TEX9: variants seen among roughly 807,000 people sequenced by gnomAD.
The protein encoded by TEX9 is testis expressed 9.
Under a neutral mutation model 59.6 loss-of-function variants are expected in TEX9, and 74 were observed. The ratio of observed to expected loss-of-function variants is 1.24; its 90% CI spans 1.03 to 1.51. The LOEUF (loss-of-function observed/expected upper bound fraction) is 1.51, where lower values mean the gene tolerates loss of function less well. Among genes scored for constraint, TEX9 ranks in the 40% most tolerant of loss-of-function variants. The pLI, the probability that TEX9 is intolerant of heterozygous loss-of-function variation, is 0.00. For synonymous variants in TEX9, 186 were observed against 152.2 expected, an observed-to-expected ratio of 1.22 and a Z score of -1.64; for missense variants, 522 against 447.8, an observed-to-expected ratio of 1.17 and a Z score of -1.49.
At chr15:56,422,763 A>G (rs148698181) in intron 10 of TEX9, among the ~76,000 whole-genome samples, 92 of 152,098 alleles carry the variant, frequency 6.0e-4, no homozygotes, top group African/African-American at 2.1e-3. Context: ...AACTCTTTTC[A>G]TCTTGCAAAA....
chr15:56,425,031 GT>G (rs1489066552), intron 10 of TEX9, among the ~76,000 whole-genome samples: 1 of 150,494 alleles, frequency 6.6e-6, no homozygotes, highest in Admixed American at 6.6e-5. Flanking sequence ...ATTCTTCTAG[GT>G]TTTTTTCTTT....
chr15:56,408,499 A>G (rs1172242617), intron 9 of TEX9: 3 of 152,140 alleles, frequency 2.0e-5, no homozygotes, highest in Non-Finnish European at 4.4e-5. Context: ...GGCTTTATAT[A>G]CCATCTATAT....
intron 1 of TEX9, among the ~76,000 whole-genome samples, chr15:56,244,856 C>T (rs943073477): frequency 1.1e-4 from 17 of 148,794 alleles, no homozygotes; most frequent in Non-Finnish European, 1.5e-4. Context: ...GATAGCTTTG[C>T]CACAAATAAG....
At chr15:56,441,883 G>A (rs2050820413) in intron 12 of TEX9, among the ~76,000 whole-genome samples, 1 of 152,006 alleles carries the variant, frequency 6.6e-6, no homozygotes, top group Non-Finnish European at 1.5e-5. Context: ...AGCCGGGCAT[G>A]GTGGCGGGTG....
chr15:56,380,538 T>C (rs2047678872), intron 3 of TEX9, among the ~76,000 whole-genome samples: 6 of 152,084 alleles, frequency 3.9e-5, no homozygotes, highest in Admixed American at 2.6e-4. Context: ...TTCTTCTTGC[T>C]CATTAACATC....
chr15:56,431,339 A>G (rs1216581958), intron 12 of TEX9: 2 of 1,604,720 alleles, frequency 1.2e-6, no homozygotes, highest in Admixed American at 1.7e-5. Flanking sequence ...ATTACAGGTC[A>G]TGAAGATTAC....
intron 12 of TEX9, among the ~76,000 whole-genome samples, chr15:56,444,865 G>A (rs1240260881): frequency 2.6e-5 from 4 of 151,944 alleles, no homozygotes; most frequent in Admixed American, 2.0e-4. Context: ...CCCTAAAGCA[G>A]CTTTCCTATC....
At chr15:56,331,824 C>T (rs1465365546) in intron 1 of TEX9, among the ~76,000 whole-genome samples, 1 of 151,006 alleles carries the variant, frequency 6.6e-6, no homozygotes, top group Admixed American at 6.6e-5. Context: ...TGAACAGACA[C>T]TTCTCAAAAG....
chr15:56,428,464 C>T, exon 12 of TEX9: 1 of 1,561,652 alleles, frequency 6.4e-7, no homozygotes, highest in Non-Finnish European at 8.8e-7. Flanking sequence ...TTCAGTTAGT[C>T]TCTATGACAG....
In TEX9 at chr15:56,350,530, G is replaced by A. The variant is rs989959259; in HGVS notation, c.-106-22911G>A. ...ATTGTGGGCCCACAGATGCCTGGAA[G>A]GTTCTCATGCCTTTCACACCAACTA... On this transcript the variant is annotated intron_variant, in intron 1 of 5. Transcript: ENST00000560827. Among the ~76,000 whole-genome samples the A allele has an allele frequency of 2.6e-5, 4 of 152,166 alleles. No homozygotes were observed. In the East Asian group the frequency reaches 5.8e-4, roughly 22 times the overall value.
chr15:56,426,202 T>A (rs771618919), intron 10 of TEX9, among the ~76,000 whole-genome samples: 5 of 152,150 alleles, frequency 3.3e-5, no homozygotes, highest in Non-Finnish European at 5.9e-5. Flanking sequence ...GCAAGACAGA[T>A]AGCAGTCCCT....
chr15:56,337,150 A>T (rs2046272483), intron 1 of TEX9, among the ~76,000 whole-genome samples: 1 of 152,136 alleles, frequency 6.6e-6, no homozygotes, highest in Non-Finnish European at 1.5e-5. Context: ...AAAATTCCAA[A>T]TCCTGACATT....
intron 1 of TEX9, among the ~76,000 whole-genome samples, chr15:56,257,639 G>A (rs191399155): frequency 6.6e-6 from 1 of 151,798 alleles, no homozygotes; most frequent in Admixed American, 6.6e-5. Context: ...TTTTAATCGG[G>A]TTGTTTTTTC....
chr15:56,443,613 G>T, intron 12 of TEX9: 1 of 1,603,560 alleles, frequency 6.2e-7, no homozygotes. Context: ...TTTTACTAGT[G>T]TTAAAGAAGT....
chr15:56,428,405 G>A (rs1468104617), exon 12 of TEX9: 26 of 1,611,880 alleles, frequency 1.6e-5, no homozygotes, highest in Non-Finnish European at 2.2e-5. Flanking sequence ...CTTTCACTGA[G>A]GAGGAATTTA....
At chr15:56,446,250 G>A (rs1320163045), downstream of TEX9, among the ~76,000 whole-genome samples, 1 of 151,846 alleles carries the variant, frequency 6.6e-6, no homozygotes. Flanking sequence ...GAGCTCAAGG[G>A]ATGATGTGCA....
At chr15:56,285,474 C>T (rs1161238999) in intron 1 of TEX9, among the ~76,000 whole-genome samples, 2 of 152,160 alleles carry the variant, frequency 1.3e-5, no homozygotes, top group Non-Finnish European at 2.9e-5. Context: ...ACTCTCCTCC[C>T]ATTTGGGATT....
At chr15:56,326,277 T>C (rs1256845566) in intron 1 of TEX9, among the ~76,000 whole-genome samples, 2 of 110,614 alleles carry the variant, frequency 1.8e-5, no homozygotes, top group Non-Finnish European at 4.6e-5. Flanking sequence ...GTGAATGCAT[T>C]CCATTTTTTC....
At chr15:56,406,782 G>A (rs1469501278) in intron 9 of TEX9, among the ~76,000 whole-genome samples, 4 of 151,910 alleles carry the variant, frequency 2.6e-5, no homozygotes, top group Non-Finnish European at 5.9e-5. Context: ...TTGCCCATTC[G>A]AAAATACTAA....
Sources: allele counts gnomAD v4.1 joint callset (sites outside exome capture counted in the v4.1 genomes callset), GRCh38; gene constraint gnomAD v4.1.1; transcripts MANE v1.5; gene names NCBI Gene and HGNC (gene_info 2026-07-23, HGNC 2026-07-21).